APOL3: variants seen among roughly 807,000 people sequenced by gnomAD.
APOL3 encodes TNF-inducible protein CG12-1.
Under a neutral mutation model 11.6 loss-of-function variants are expected in APOL3, and 14 were observed. The ratio of observed to expected loss-of-function variants is 1.21; its 90% CI spans 0.80 to 1.89. APOL3 has a LOEUF of 1.89. Ranked by LOEUF, APOL3 falls within the 40% of genes most tolerant of loss-of-function variation. The pLI, the probability that APOL3 is intolerant of heterozygous loss-of-function variation, is 0.00. For synonymous variants in APOL3, 192 were observed against 190.6 expected, an observed-to-expected ratio of 1.01 and a Z score of -0.06; for missense variants, 483 against 492.1, an observed-to-expected ratio of 0.98 and a Z score of 0.17.
At chr22:36,163,423 C>T (rs1402845931), upstream of APOL3, among the ~76,000 whole-genome samples, 1 of 152,202 alleles carries the variant, frequency 6.6e-6, no homozygotes, top group Non-Finnish European at 1.5e-5. Flanking sequence ...CCACCCGAGG[C>T]CCCCTCCCTG....
intron 2 of APOL3, 91 bp downstream of exon 3, chr22:36,145,379 CTGG>C: frequency 6.7e-7 from 1 of 1,488,472 alleles, no homozygotes; most frequent in Non-Finnish European, 9.1e-7. Flanking sequence ...AGGGGGCTGC[CTGG>C]AGGAGGTGTG....
chr22:36,144,936 G>T (rs534581275), intron 2 of APOL3, among the ~76,000 whole-genome samples: 1 of 150,672 alleles, frequency 6.6e-6, no homozygotes, highest in Non-Finnish European at 1.5e-5. Flanking sequence ...GCGTGAAACC[G>T]GGAGGCGGAG....
intron 1 of APOL3, among the ~76,000 whole-genome samples, chr22:36,147,289 G>A (rs1480271247): frequency 6.6e-6 from 1 of 152,170 alleles, no homozygotes; most frequent in Non-Finnish European, 1.5e-5. Flanking sequence ...CTTTAGGCGG[G>A]CAGGGGAGCA....
chr22:36,141,226 G>T lies in APOL3; in HGVS notation c.1183C>A (p.Arg395Ser), dbSNP rs371651960. Residue 395 changes from arginine (R) to serine (S), a missense_variant, in exon 3 of 3, where the codon CGT becomes AGT. Coordinates refer to ENST00000349314, the Ensembl canonical transcript of APOL3. ...CAGTGGGTATGGCATGGATTCAGAC[G>T]CTGATAGATCTGAGTGAGCTCCATT... 12 of 1,613,708 alleles carry T rather than the reference G, an allele frequency of 7.4e-6. No homozygotes were observed. The East Asian group carries it at 2.2e-4, about 30-fold the overall frequency.
intron 2 of APOL3, 46 bp downstream of exon 3, chr22:36,145,427 A>G (rs1269711620): frequency 6.2e-7 from 1 of 1,606,394 alleles, no homozygotes; most frequent in Non-Finnish European, 8.5e-7. Flanking sequence ...GGAGATCAGG[A>G]TGGCATAGCC....
At chr22:36,164,633 G>A (rs2013814136), upstream of APOL3, 1 of 152,006 alleles carries the variant, frequency 6.6e-6, no homozygotes, top group Admixed American at 6.6e-5. Flanking sequence ...CATTTCCCAA[G>A]CCCCCCAACA....
exon 3 of APOL3, chr22:36,142,022 C>T: frequency 6.2e-7 from 1 of 1,613,922 alleles, no homozygotes; most frequent in East Asian, 2.2e-5. Context: ...ATGTTCTAAG[C>T]TTCTTCAGAG....
intron 1 of APOL3, among the ~76,000 whole-genome samples, chr22:36,152,974 G>A (rs2012039855): frequency 2.0e-5 from 3 of 152,138 alleles, no homozygotes; most frequent in Admixed American, 2.0e-4. Flanking sequence ...AGCCGGGCAT[G>A]GTGGTGCATG....
chr22:36,146,920 A>T (rs1396444252), intron 1 of APOL3, among the ~76,000 whole-genome samples: 2 of 152,200 alleles, frequency 1.3e-5, no homozygotes, highest in African/African-American at 4.8e-5. Flanking sequence ...GTATGGATTT[A>T]TGTATGCACT....
chr22:36,148,285 C>T (rs1194805131), intron 1 of APOL3, among the ~76,000 whole-genome samples: 1 of 152,200 alleles, frequency 6.6e-6, no homozygotes, highest in Non-Finnish European at 1.5e-5. Context: ...TGTGATGGGC[C>T]GTGCAGGGCA....
At chr22:36,149,381 T>A (rs765276615) in intron 1 of APOL3, 4 of 1,306,080 alleles carry the variant, frequency 3.1e-6, no homozygotes, top group Non-Finnish European at 4.0e-6. Context: ...CCTGTAGGGG[T>A]ATGAAGAGAA....
Position 36,148,407 on chromosome 22 carries a change from C to T in APOL3, c.224-2808G>A, listed in dbSNP as rs559693373. Among the ~76,000 whole-genome samples the T allele has an allele frequency of 1.3e-4, 20 of 152,356 alleles. 1 individual carries two copies. In the South Asian group the frequency reaches 4.1e-3, roughly 32 times the overall value. ...ACTGTGTGGCAGGCACTGGCTGGGCCAGGTACCCATGTACTATTTGATCCT... is the reference window on the plus strand; with the variant it reads ...ACTGTGTGGCAGGCACTGGCTGGGCTAGGTACCCATGTACTATTTGATCCT... On this transcript the variant is annotated intron_variant, in intron 1 of 2. Transcript: ENST00000349314.
chr22:36,148,649 G>A (rs1298323681), intron 1 of APOL3, among the ~76,000 whole-genome samples: 1 of 152,192 alleles, frequency 6.6e-6, no homozygotes, highest in Non-Finnish European at 1.5e-5. Context: ...CCCAGGGTCA[G>A]CTGGGAGCAG....
intron 1 of APOL3, 47 bp from the exon 3 acceptor site, chr22:36,145,646 C>A: frequency 6.2e-7 from 1 of 1,603,718 alleles, no homozygotes. Flanking sequence ...TGTGCTACAG[C>A]CTAAATGGCA....
chr22:36,150,402 C>T lies in APOL3; in HGVS notation c.224-4803G>A, dbSNP rs117908288. ...TAAATAATAACTCACAGTCCTCTTC[C>T]AAGAGCCTATTAAGTGGGTACCATT... On this transcript the variant is annotated intron_variant, in intron 1 of 2. Coordinates refer to ENST00000349314, the Ensembl canonical transcript of APOL3. Among the ~76,000 whole-genome samples the T allele has an allele frequency of 4.9e-4, 75 of 152,268 alleles. 2 individuals are homozygous for T. In the East Asian group the frequency reaches 0.01, roughly 21 times the overall value.
At chr22:36,160,497 A>G (rs544508992) in intron 1 of APOL3, among the ~76,000 whole-genome samples, 172 bp downstream of exon 1, 1 of 152,226 alleles carries the variant, frequency 6.6e-6, no homozygotes, top group East Asian at 1.9e-4. Context: ...AGAGGGAGGG[A>G]GAAGTCCAGC....
At chr22:36,149,709 C>G (rs2060359041) in intron 1 of APOL3, 2 of 378,704 alleles carry the variant, frequency 5.3e-6, no homozygotes, top group Non-Finnish European at 1.1e-5. Context: ...GATTCAAATC[C>G]CATGTCTTCC....
upstream of APOL3, among the ~76,000 whole-genome samples, chr22:36,163,328 C>T (rs774612523): frequency 2.6e-5 from 4 of 152,146 alleles, no homozygotes; most frequent in African/African-American, 4.8e-5. Context: ...GGTTTACAGC[C>T]GGGAACGAAG....
intron 1 of APOL3, among the ~76,000 whole-genome samples, chr22:36,147,341 C>T (rs1203863480): frequency 2.0e-5 from 3 of 152,170 alleles, no homozygotes; most frequent in African/African-American, 4.8e-5. Context: ...TGTGTTACCT[C>T]TGTCCTCTGC....
Sources: gnomAD v4.1 joint callset for allele counts (sites outside exome capture counted in the v4.1 genomes callset) on GRCh38, gnomAD v4.1.1 for gene constraint, MANE v1.5 for transcripts, NCBI Gene and HGNC (gene_info 2026-07-23, HGNC 2026-07-21) for gene names.